CDH18: variants seen among roughly 807,000 people sequenced by gnomAD.
CDH18 encodes the protein cadherin-18.
A neutral mutation model predicts 67.9 loss-of-function variants in CDH18; 31 were observed. That is an observed-to-expected ratio of 0.46 (90% CI 0.34 to 0.62). The LOEUF is 0.62. Among genes scored for constraint, CDH18 ranks in the 20% least tolerant of loss-of-function variants. The pLI is 0.01. For synonymous variants in CDH18, 362 were observed against 347.2 expected (o/e 1.04, Z -0.48); for missense variants, 890 against 975.5 (o/e 0.91, Z 1.17).
intron 5 of CDH18, among the ~76,000 whole-genome samples, chr5:19,633,701 C>A (rs748968362): frequency 1.3e-5 from 2 of 152,076 alleles, no homozygotes; most frequent in Admixed American, 6.5e-5. Flanking sequence ...GCAATCTCAG[C>A]TCACTGCAAC....
intron 1 of CDH18, among the ~76,000 whole-genome samples, chr5:20,302,057 C>G (rs987167231): frequency 5.3e-5 from 8 of 152,062 alleles, no homozygotes; most frequent in African/African-American, 1.9e-4. Context: ...AAAAAGGCCA[C>G]TGGGATACTT....
intron 8 of CDH18, among the ~76,000 whole-genome samples, chr5:19,567,970 T>G (rs1214256020): frequency 6.6e-6 from 1 of 152,208 alleles, no homozygotes; most frequent in Non-Finnish European, 1.5e-5. Context: ...TGACTATTCA[T>G]GTATATGATT....
At chr5:20,321,521 A>G (rs896032730) in intron 1 of CDH18, among the ~76,000 whole-genome samples, 2 of 152,118 alleles carry the variant, frequency 1.3e-5, no homozygotes, top group African/African-American at 2.4e-5. Context: ...GTCATTTCAC[A>G]TTACTTTTTT....
chr5:19,860,197 C>T (rs1029278022), intron 2 of CDH18, among the ~76,000 whole-genome samples: 2 of 152,212 alleles, frequency 1.3e-5, no homozygotes, highest in South Asian at 4.1e-4. Context: ...CAGAATATGA[C>T]TAAACAGTGA....
At chr5:19,621,476 T>C (rs1216931022) in intron 5 of CDH18, among the ~76,000 whole-genome samples, 2 of 152,122 alleles carry the variant, frequency 1.3e-5, no homozygotes, top group African/African-American at 4.8e-5. Flanking sequence ...CCACATCCAA[T>C]AGAATTATAA....
chr5:20,432,785 A>G (rs1472031505), intron 1 of CDH18, among the ~76,000 whole-genome samples: 1 of 151,928 alleles, frequency 6.6e-6, no homozygotes, highest in Non-Finnish European at 1.5e-5. Flanking sequence ...TTAAAGGCCT[A>G]ATACAGTTGC....
intron 1 of CDH18, among the ~76,000 whole-genome samples, chr5:20,264,411 C>A (rs1414208663): frequency 6.6e-6 from 1 of 151,706 alleles, no homozygotes; most frequent in East Asian, 1.9e-4. Flanking sequence ...GAATGATAGC[C>A]CAAAGTCAGA....
intron 1 of CDH18, among the ~76,000 whole-genome samples, chr5:20,523,002 G>C (rs1399740364): frequency 6.6e-6 from 1 of 152,056 alleles, no homozygotes; most frequent in African/African-American, 2.4e-5. Flanking sequence ...TTGTTTTTAT[G>C]CTAGACATGA....
intron 1 of CDH18, among the ~76,000 whole-genome samples, chr5:20,256,912 G>A (rs927259124): frequency 2.4e-4 from 35 of 144,918 alleles, no homozygotes; most frequent in African/African-American, 9.0e-4. Context: ...AGAGAAAAAC[G>A]AGATTTGTAG....
intron 2 of CDH18, among the ~76,000 whole-genome samples, chr5:19,935,140 AAAAACT>A (rs1472949342): frequency 1.3e-5 from 2 of 151,294 alleles, no homozygotes; most frequent in Middle Eastern, 3.2e-3. Context: ...AAATACCCTC[AAAAACT>A]TTAAGGACCC....
rs180794097 is a variant in CDH18 at position 19,628,170 on chromosome 5, G to C, written c.644-15569C>G. 1.2e-3 allele frequency among the ~76,000 whole-genome samples: 189 copies of C among 152,204 alleles called. 1 individual carries two copies. The highest frequency in any genetic ancestry group is 4.3e-3 in the African/African-American group (180 of 41,548). On this transcript the variant is annotated intron_variant, in intron 5 of 12. Coordinates refer to ENST00000382275, the MANE Select transcript of CDH18 (RefSeq NM_004934.5). ...CTCACGAGATCTGATAGTTTTATAA[G>C]GGGTTTCCTCTTTCGCTTGATTCTC...
At chr5:19,879,042 A>T (rs1290122001) in intron 2 of CDH18, among the ~76,000 whole-genome samples, 1 of 151,926 alleles carries the variant, frequency 6.6e-6, no homozygotes, top group Non-Finnish European at 1.5e-5. Flanking sequence ...TTATAAACAA[A>T]ATATAAATTA....
At chr5:19,509,350 T>C (rs1744751544) in intron 10 of CDH18, among the ~76,000 whole-genome samples, 1 of 152,118 alleles carries the variant, frequency 6.6e-6, no homozygotes, top group African/African-American at 2.4e-5. Flanking sequence ...CAATGTTCAC[T>C]ATTTGAGTAA....
At chr5:20,054,381 C>T (rs1328384607) in intron 2 of CDH18, among the ~76,000 whole-genome samples, 2 of 152,102 alleles carry the variant, frequency 1.3e-5, no homozygotes, top group Non-Finnish European at 2.9e-5. Flanking sequence ...TTTTTTCTAT[C>T]TTATACCTTT....
intron 1 of CDH18, among the ~76,000 whole-genome samples, chr5:20,322,796 T>G (rs982859307): frequency 2.0e-5 from 3 of 152,092 alleles, no homozygotes; most frequent in African/African-American, 7.2e-5. Flanking sequence ...TAGTGACACT[T>G]TGAAATTATT....
intron 5 of CDH18, among the ~76,000 whole-genome samples, chr5:19,706,597 C>T (rs1763999315): frequency 6.6e-6 from 1 of 152,176 alleles, no homozygotes; most frequent in Middle Eastern, 3.2e-3. Flanking sequence ...TTTGTCTGGG[C>T]TACATGCCAA....
chr5:19,604,180 A>C (rs1747644390), intron 6 of CDH18, among the ~76,000 whole-genome samples: 1 of 152,020 alleles, frequency 6.6e-6, no homozygotes, highest in African/African-American at 2.4e-5. Context: ...CCAGGACAGC[A>C]CTGATTCTAG....
At chr5:20,224,195 C>T (rs1360056686) in intron 2 of CDH18, among the ~76,000 whole-genome samples, 1 of 152,094 alleles carries the variant, frequency 6.6e-6, no homozygotes, top group African/African-American at 2.4e-5. Flanking sequence ...ATTACTTTGG[C>T]AGATACTTTC....
At chr5:19,761,039 C>T (rs55959601) in intron 3 of CDH18, among the ~76,000 whole-genome samples, 14,044 of 152,170 alleles carry the variant, frequency 0.092, 1,503 homozygotes, top group African/African-American at 0.25. Context: ...TCCCACATGT[C>T]CCCATTCCAA....
Sources: gnomAD v4.1 joint callset for allele counts (sites outside exome capture counted in the v4.1 genomes callset) on GRCh38, gnomAD v4.1.1 for gene constraint, MANE v1.5 for transcripts, NCBI Gene and HGNC (gene_info 2026-07-23, HGNC 2026-07-21) for gene names.